Variants in TRIM37 observed in about 807,000 individuals in gnomAD.
TRIM37 encodes the protein E3 ubiquitin-protein ligase TRIM37.
A neutral mutation model predicts 129.8 loss-of-function variants in TRIM37; 80 were observed. That is an observed-to-expected ratio of 0.62 (90% CI 0.51 to 0.74). The LOEUF (loss-of-function observed/expected upper bound fraction) is 0.74, where lower values mean the gene tolerates loss of function less well. Among genes scored for constraint, TRIM37 ranks in the 30% least tolerant of loss-of-function variants. The probability of loss-of-function intolerance (pLI) is 0.00; values close to 1 mark genes in which losing one functional copy is unlikely to be tolerated. For missense variants in TRIM37, 1,054 were observed against 1,176.5 expected (o/e 0.90, Z 1.52); for synonymous variants, 389 against 387.1 (o/e 1.00, Z -0.06).
intron 16 of TRIM37, among the ~76,000 whole-genome samples, chr17:59,045,434 T>C (rs1181771974): frequency 6.6e-6 from 1 of 151,426 alleles, no homozygotes; most frequent in African/African-American, 2.4e-5. Context: ...GGTCAGGTGT[T>C]TGAGACCAGC....
rs1317020096 is a variant in TRIM37 at position 59,101,349 on chromosome 17, A to C, written c.123+2944T>G. ...ATATTAATATAGTAGCAGGACAGAA[A>C]ATGGACTGGAGATAAGAAAAGACTC... On this transcript the variant is annotated intron_variant, in intron 2 of 23. Coordinates refer to ENST00000262294, the MANE Select transcript of TRIM37 (RefSeq NM_015294.6). 2.0e-5 allele frequency among the ~76,000 whole-genome samples: 3 copies of C among 152,154 alleles called. No individual in the cohort carries two copies. In the East Asian group the frequency reaches 5.8e-4, roughly 29 times the overall value.
intron 9 of TRIM37, 103 bp downstream of exon 9, chr17:59,070,720 G>C: frequency 8.5e-7 from 1 of 1,174,512 alleles, no homozygotes; most frequent in Admixed American, 2.2e-5. Context: ...TAAAAGAAAA[G>C]AGAGAGAGAG....
intron 16 of TRIM37, among the ~76,000 whole-genome samples, chr17:59,044,642 G>A (rs1010279959): frequency 6.6e-6 from 1 of 152,176 alleles, no homozygotes; most frequent in Non-Finnish European, 1.5e-5. Flanking sequence ...ATACAATAGA[G>A]TATAACAACT....
At position 58,998,777 on chromosome 17, in the gene TRIM37, A is replaced by G. The variant is rs2033288579; in HGVS notation, c.*600T>C. On this transcript the variant is annotated 3_prime_UTR_variant, in exon 24 of 24. Transcript: ENST00000262294. Reference sequence around the variant, plus strand: ...AGAAGTCACACAACAGAAAGATACCATGCGGTTGAACAGTGTGCCTGTACT... The same window carrying G: ...AGAAGTCACACAACAGAAAGATACCGTGCGGTTGAACAGTGTGCCTGTACT... 1 of 986,152 alleles carries G rather than the reference A, an allele frequency of 1.0e-6. No individual in the cohort carries two copies. 61.1% of individuals were successfully genotyped at this position (986,152 alleles called of 1,614,324 possible).
intron 9 of TRIM37, among the ~76,000 whole-genome samples, chr17:59,070,142 C>G (rs941534665): frequency 6.6e-6 from 1 of 152,180 alleles, no homozygotes; most frequent in Non-Finnish European, 1.5e-5. Context: ...ATTCCAACAT[C>G]TAGTCAGAAA....
intron 2 of TRIM37, among the ~76,000 whole-genome samples, chr17:59,092,467 T>C (rs980905719): frequency 6.6e-6 from 1 of 151,814 alleles, no homozygotes; most frequent in African/African-American, 2.4e-5. Context: ...CTTGGTTTCC[T>C]CATAATTATA....
intron 9 of TRIM37, among the ~76,000 whole-genome samples, chr17:59,069,155 T>C (rs954575514): frequency 6.6e-6 from 1 of 152,072 alleles, no homozygotes; most frequent in Non-Finnish European, 1.5e-5. Flanking sequence ...GAGACCAGCC[T>C]GGCCAACATG....
chr17:59,052,853 G>A (rs1391152020), intron 13 of TRIM37, among the ~76,000 whole-genome samples: 3 of 152,052 alleles, frequency 2.0e-5, no homozygotes, highest in Non-Finnish European at 4.4e-5. Flanking sequence ...TACTCAGGAG[G>A]CTGAGGCAGG....
chr17:59,100,159 T>C (rs922870671), intron 2 of TRIM37, among the ~76,000 whole-genome samples: 6 of 152,192 alleles, frequency 3.9e-5, no homozygotes, highest in African/African-American at 9.7e-5. Context: ...TGTATGCTCA[T>C]TGTTTAGCTC....
At chr17:58,996,867 CCT>C (rs1282215133), downstream of TRIM37, among the ~76,000 whole-genome samples, 2 of 151,582 alleles carry the variant, frequency 1.3e-5, no homozygotes, top group African/African-American at 2.4e-5. Flanking sequence ...TCATATCCCC[CCT>C]GATGTGATGC....
intron 22 of TRIM37, among the ~76,000 whole-genome samples, chr17:59,011,421 G>A (rs922636861): frequency 1.3e-5 from 2 of 152,102 alleles, no homozygotes; most frequent in Non-Finnish European, 2.9e-5. Flanking sequence ...TCTTCTTAGG[G>A]CAGCTGAGTA....
intron 24 of TRIM37, chr17:58,984,748 CTG>C (rs2031639908): frequency 6.6e-6 from 1 of 152,472 alleles, no homozygotes; most frequent in Non-Finnish European, 1.5e-5. Flanking sequence ...TGAAAAATAA[CTG>C]TTACTTCTTA....
intron 18 of TRIM37, 62 bp from the exon 19 acceptor site, chr17:59,028,785 C>G: frequency 1.3e-6 from 2 of 1,570,666 alleles, no homozygotes; most frequent in Non-Finnish European, 1.7e-6. Context: ...TCATTTGTAC[C>G]ATGAATATAT....
At chr17:59,106,085 G>A (rs987067316) in intron 1 of TRIM37, among the ~76,000 whole-genome samples, 1 of 152,208 alleles carries the variant, frequency 6.6e-6, no homozygotes, top group African/African-American at 2.4e-5. Context: ...ATTTAGATCA[G>A]CTCAAGAACT....
intron 12 of TRIM37, among the ~76,000 whole-genome samples, chr17:59,060,613 G>C (rs1179142533): frequency 1.3e-5 from 2 of 152,220 alleles, no homozygotes; most frequent in African/African-American, 4.8e-5. Flanking sequence ...CTCAGGGACT[G>C]AGGGAAACGG....
At chr17:59,037,557 C>CAAAAAAAAAAAAAA (rs58856834) in intron 17 of TRIM37, among the ~76,000 whole-genome samples, 2 of 73,998 alleles carry the variant, frequency 2.7e-5, no homozygotes, top group African/African-American at 5.1e-5. Flanking sequence ...GACTCTGTCT[C>CAAAAAAAAAAAAAA]AAAAAAAAAA....
In TRIM37 at chr17:59,106,562, C is replaced by T. The variant is rs2046021914; in HGVS notation, c.-101G>A. 2.1e-6 allele frequency: 3 copies of T among 1,461,698 alleles called. No homozygotes were observed. Among genetic ancestry groups the T allele is most frequent in the African/African-American group, 1.4e-5 (1 of 71,526 alleles). 90.5% of individuals were successfully genotyped at this position (1,461,698 alleles called of 1,614,324 possible). On this transcript the variant is annotated 5_prime_UTR_variant, in exon 1 of 24. Transcript: ENST00000262294. ...CGCCAGATCAAATCGCCGATAAAAG[C>T]CCGGCGCCCACGTCAGGGGGCTCTG...
chr17:59,007,221 C>A (rs868389696), intron 22 of TRIM37, among the ~76,000 whole-genome samples: 863 of 42,386 alleles, frequency 0.02, 22 homozygotes, highest in African/African-American at 0.036. Flanking sequence ...ACCACCCCAC[C>A]CCCACCCACC....
At chr17:59,024,408 T>C (rs368934746) in intron 19 of TRIM37, among the ~76,000 whole-genome samples, 3 of 152,234 alleles carry the variant, frequency 2.0e-5, no homozygotes, top group East Asian at 1.9e-4. Flanking sequence ...AGAACTTATA[T>C]GGAAAAAACT....
Sources: allele counts gnomAD v4.1 joint callset (sites outside exome capture counted in the v4.1 genomes callset), GRCh38; gene constraint gnomAD v4.1.1; transcripts MANE v1.5; gene names NCBI Gene and HGNC (gene_info 2026-07-23, HGNC 2026-07-21).